The following FOXP1 variants were observed in gnomAD, a reference collection of about 807,000 sequenced individuals.
FOXP1 encodes the protein forkhead box P1.
In FOXP1, 15 loss-of-function variants were observed where a neutral mutation model predicts 98.2. The observed-to-expected ratio is 0.15, with a 90% CI of 0.10 to 0.24. FOXP1 has a LOEUF of 0.24. Ranked by LOEUF, FOXP1 falls within the 10% of genes least tolerant of loss-of-function variation. The pLI is 1.00. For synonymous variants in FOXP1, 371 were observed against 314.5 expected (o/e 1.18, Z -1.90); for missense variants, 633 against 848.5 (o/e 0.75, Z 3.15).
At chr3:71,444,544 C>T (rs1439978779) in intron 3 of FOXP1, among the ~76,000 whole-genome samples, 1 of 152,080 alleles carries the variant, frequency 6.6e-6, no homozygotes, top group Non-Finnish European at 1.5e-5. Context: ...CAAGTCCAAA[C>T]AGGAAAGGGG....
Position 71,552,208 on chromosome 3 carries a change from A to G in FOXP1, c.-298+29341T>C, listed in dbSNP as rs186257746. On this transcript the variant is annotated intron_variant, in intron 2 of 20. Coordinates refer to ENST00000649528, the MANE Select transcript of FOXP1 (RefSeq NM_001349338.3). The stretch of plus-strand genomic sequence containing the variant: ...AAAGCAGGAGAAAGAAATATGGGAA[A>G]AGGTGCTGATATTGCTACCTATCAG... Among the ~76,000 whole-genome samples the G allele has an allele frequency of 2.3e-3, 352 of 152,258 alleles. 1 individual carries two copies. The highest frequency in any genetic ancestry group is 8.3e-3 in the African/African-American group (344 of 41,564).
At chr3:71,344,124 G>A (rs973935105) in intron 4 of FOXP1, among the ~76,000 whole-genome samples, 2 of 152,142 alleles carry the variant, frequency 1.3e-5, no homozygotes, top group Non-Finnish European at 1.5e-5. Flanking sequence ...CATCTCTCTG[G>A]TTGTGGCATT....
chr3:71,037,509 C>T (rs1211295177), intron 11 of FOXP1, among the ~76,000 whole-genome samples: 2 of 152,132 alleles, frequency 1.3e-5, no homozygotes, highest in Non-Finnish European at 2.9e-5. Context: ...GAAGTCGAGA[C>T]TCTCTGTCCC....
At chr3:71,255,891 A>G (rs1156331755) in intron 5 of FOXP1, among the ~76,000 whole-genome samples, 1 of 152,146 alleles carries the variant, frequency 6.6e-6, no homozygotes, top group Admixed American at 6.5e-5. Context: ...ATTAAACAGC[A>G]CCCCTATAAA....
intron 6 of FOXP1, among the ~76,000 whole-genome samples, chr3:71,193,650 T>C (rs1019511762): frequency 6.6e-6 from 1 of 151,978 alleles, no homozygotes; most frequent in African/African-American, 2.4e-5. Context: ...GGTTTTGCCA[T>C]GTTGGCCAGG....
In FOXP1 at chr3:71,326,143, G is replaced by A. The variant is rs538478654; in HGVS notation, c.-72-26263C>T. 3.3e-5 allele frequency among the ~76,000 whole-genome samples: 5 copies of A among 151,998 alleles called. No homozygotes were observed. The South Asian group carries it at 8.3e-4, about 25-fold the overall frequency. On this transcript the variant is annotated intron_variant, in intron 4 of 20. Coordinates refer to ENST00000649528, the MANE Select transcript of FOXP1 (RefSeq NM_001349338.3). ...CATGAAATATTAAAGAATCTGGCAC[G>A]CATTAGCAGGAAGAGGCCAAGCATA...
At chr3:71,150,417 G>A (rs2060510524) in intron 6 of FOXP1, among the ~76,000 whole-genome samples, 1 of 151,858 alleles carries the variant, frequency 6.6e-6, no homozygotes, top group African/African-American at 2.4e-5. Context: ...ACATTTTTGT[G>A]TCTATCCGCC....
chr3:71,381,429 C>G (rs1192003088), intron 3 of FOXP1, among the ~76,000 whole-genome samples: 1 of 143,040 alleles, frequency 7.0e-6, no homozygotes, highest in African/African-American at 2.6e-5. Flanking sequence ...TGAGCCACTG[C>G]GCCTGGCCTT....
In FOXP1 at chr3:71,354,035, G is replaced by A. The variant is rs1209263805; in HGVS notation, c.-73+5115C>T. On this transcript the variant is annotated intron_variant, in intron 4 of 20. Transcript: ENST00000649528. ...AAGAGAAGAGAATTGGGCTGGGCGC[G>A]GTGGTTCACGCCTGTAATCCCAGCA... Among the ~76,000 whole-genome samples, 8 of 152,008 alleles carry A rather than the reference G, an allele frequency of 5.3e-5. No homozygotes were observed. The East Asian group carries it at 1.2e-3, about 22-fold the overall frequency.
In FOXP1 at chr3:71,168,182, G is replaced by A. The variant is rs1253569912; in HGVS notation, c.180+30020C>T. On this transcript the variant is annotated intron_variant, in intron 6 of 20. Transcript: ENST00000649528. ...TTTCCTGCTTAAATTACCGAATTTC[G>A]CAACTCTATGCAAAATGTGAAACAC... 7.9e-5 allele frequency among the ~76,000 whole-genome samples: 12 copies of A among 151,912 alleles called. No individual in the cohort carries two copies. In the East Asian group the frequency reaches 1.9e-3, roughly 24 times the overall value.
In FOXP1 at chr3:71,064,407, A is replaced by C. The variant is rs1353124111; in HGVS notation, c.283-10634T>G. On this transcript the variant is annotated intron_variant, in intron 7 of 20. Coordinates refer to ENST00000649528, the MANE Select transcript of FOXP1 (RefSeq NM_001349338.3). ...ACGGAGTGATGGCGAGGGCTTCACCAAAGTGGCTGCGTGAAGGCCAGACCG... is the reference window on the plus strand; with the variant it reads ...ACGGAGTGATGGCGAGGGCTTCACCCAAGTGGCTGCGTGAAGGCCAGACCG... Among the ~76,000 whole-genome samples the C allele has an allele frequency of 1.2e-4, 18 of 152,190 alleles. No individual in the cohort carries two copies. In the East Asian group the frequency reaches 2.5e-3, roughly 21 times the overall value.
rs372207301 is a variant in FOXP1 at position 71,177,545 on chromosome 3, T to C, written c.180+20657A>G. ...AGTAAGAGATGCTTGAGAGCTCTGA[T>C]GAAGAGCTCAGGCTCTGGAGTCGGG... is the stretch of plus-strand genomic sequence containing the variant. On this transcript the variant is annotated intron_variant, in intron 6 of 20. Coordinates refer to ENST00000649528, the MANE Select transcript of FOXP1 (RefSeq NM_001349338.3). Among the ~76,000 whole-genome samples, 4 of 152,298 alleles carry C rather than the reference T, an allele frequency of 2.6e-5. No individual in the cohort carries two copies. The South Asian group carries it at 6.2e-4, about 24-fold the overall frequency.
chr3:71,053,187 C>T lies in FOXP1; in HGVS notation c.420+449G>A, dbSNP rs1233600419. ...TCGTATGTGGAAGAAGTAAAATCAA[C>T]TCTGGACCTTAAAATTAGCAAATTC... On this transcript the variant is annotated intron_variant, in intron 8 of 20. Coordinates refer to ENST00000649528, the MANE Select transcript of FOXP1 (RefSeq NM_001349338.3). Among the ~76,000 whole-genome samples the T allele has an allele frequency of 3.3e-5, 5 of 152,170 alleles. No individual in the cohort carries two copies. In the East Asian group the frequency reaches 9.6e-4, roughly 29 times the overall value.
In FOXP1 at chr3:71,200,413, T is replaced by C. The variant is rs553403915; in HGVS notation, c.-11-2021A>G. Among the ~76,000 whole-genome samples, 120 of 152,340 alleles carry C rather than the reference T, an allele frequency of 7.9e-4. 2 individuals are homozygous for C. The South Asian group carries it at 0.023, about 29-fold the overall frequency. ...CAAGTTATTTAGTTTGTCCACTACA[T>C]GTCACAGCTAGTAATGGTGGAATCA... is the stretch of plus-strand genomic sequence containing the variant. On this transcript the variant is annotated intron_variant, in intron 5 of 20. Transcript: ENST00000649528.
chr3:71,233,018 GCCT>G (rs1339205924), intron 5 of FOXP1, among the ~76,000 whole-genome samples: 1 of 151,458 alleles, frequency 6.6e-6, no homozygotes, highest in East Asian at 1.9e-4. Flanking sequence ...GGTGTGATGT[GCCT>G]CTAGTCCCAG....
intron 7 of FOXP1, among the ~76,000 whole-genome samples, chr3:71,080,168 T>C (rs1375614909): frequency 6.6e-6 from 1 of 152,210 alleles, no homozygotes; most frequent in African/African-American, 2.4e-5. Context: ...AATTAAAACC[T>C]GGCAATGGTT....
intron 6 of FOXP1, among the ~76,000 whole-genome samples, chr3:71,136,977 C>A (rs995505665): frequency 6.6e-6 from 1 of 152,182 alleles, no homozygotes; most frequent in African/African-American, 2.4e-5. Flanking sequence ...CCTCCACTTG[C>A]CAGATCTCAG....
At chr3:71,337,457 C>T (rs2076753554) in intron 4 of FOXP1, among the ~76,000 whole-genome samples, 1 of 152,172 alleles carries the variant, frequency 6.6e-6, no homozygotes, top group Non-Finnish European at 1.5e-5. Context: ...TGTGCGCGAG[C>T]ATGTGTATAG....
intron 6 of FOXP1, among the ~76,000 whole-genome samples, chr3:71,172,203 T>C (rs1168940042): frequency 6.6e-6 from 1 of 152,138 alleles, no homozygotes; most frequent in Non-Finnish European, 1.5e-5. Context: ...GTGCCTTTTG[T>C]TATAAAATGA....
Sources: allele counts gnomAD v4.1 joint callset (sites outside exome capture counted in the v4.1 genomes callset), GRCh38; gene constraint gnomAD v4.1.1; transcripts MANE v1.5; gene names NCBI Gene and HGNC (gene_info 2026-07-23, HGNC 2026-07-21).